Variants in WAPL observed in about 807,000 individuals in gnomAD.
The protein encoded by WAPL is WAPL cohesin release factor, also known as wings apart-like protein homolog.
In WAPL, 5 loss-of-function variants were observed where a neutral mutation model predicts 121.0. The observed-to-expected ratio is 0.04, with a 90% CI of 0.02 to 0.09. The LOEUF (loss-of-function observed/expected upper bound fraction) is 0.09. WAPL is among the 10% of genes least tolerant of loss of function. The probability of loss-of-function intolerance (pLI) is 1.00; values close to 1 mark genes in which losing one functional copy is unlikely to be tolerated. For missense variants in WAPL, 999 were observed against 1,410.8 expected (o/e 0.71, Z 4.68); for synonymous variants, 480 against 481.5 (o/e 1.00, Z 0.04).
intron 15 of WAPL, among the ~76,000 whole-genome samples, chr10:86,447,508 G>A (rs1404587080): frequency 6.6e-6 from 1 of 152,058 alleles, no homozygotes; most frequent in Non-Finnish European, 1.5e-5. Flanking sequence ...TATACAAAAT[G>A]CCATTTAAGG....
intron 9 of WAPL, among the ~76,000 whole-genome samples, chr10:86,465,188 TTTTG>T (rs1252829906): frequency 6.6e-6 from 1 of 152,170 alleles, no homozygotes; most frequent in Non-Finnish European, 1.5e-5. Context: ...TTTTTTTGTC[TTTTG>T]TTTGTTTGGT....
chr10:86,473,479 A>C (rs1036990241), intron 5 of WAPL, among the ~76,000 whole-genome samples: 1 of 152,220 alleles, frequency 6.6e-6, no homozygotes, highest in African/African-American at 2.4e-5. Context: ...ATACAGGAAG[A>C]GATTTGTCTC....
chr10:86,494,240 ATC>A (rs1418555509), intron 4 of WAPL, among the ~76,000 whole-genome samples: 1 of 152,154 alleles, frequency 6.6e-6, no homozygotes, highest in Non-Finnish European at 1.5e-5. Flanking sequence ...TACACTAATA[ATC>A]TCTGTGACAA....
intron 9 of WAPL, among the ~76,000 whole-genome samples, chr10:86,463,124 T>G (rs1413297642): frequency 6.6e-6 from 1 of 152,216 alleles, no homozygotes; most frequent in Admixed American, 6.5e-5. Context: ...GCCAAATCAC[T>G]AATCAGAAAA....
intron 3 of WAPL, among the ~76,000 whole-genome samples, chr10:86,498,884 T>C (rs1266759167): frequency 6.6e-6 from 1 of 152,222 alleles, no homozygotes. Context: ...AGGGAATGCA[T>C]ACTTACCTGG....
At chr10:86,464,641 T>G (rs945733933) in intron 9 of WAPL, among the ~76,000 whole-genome samples, 1 of 152,144 alleles carries the variant, frequency 6.6e-6, no homozygotes, top group African/African-American at 2.4e-5. Context: ...CGAGACCAGT[T>G]TAGCCAACAT....
chr10:86,465,821 G>C lies in WAPL; in HGVS notation c.2370+1458C>G, dbSNP rs375620873. ...CCTCTCAGCTTCCTTGGACTCTGGA[G>C]GTACATTTGCATGGACTTGTCCATT... On this transcript the variant is annotated intron_variant, in intron 9 of 18. Coordinates refer to ENST00000298767, the MANE Select transcript of WAPL (RefSeq NM_015045.5). Among the ~76,000 whole-genome samples the C allele has an allele frequency of 2.6e-5, 4 of 152,066 alleles. No individual in the cohort carries two copies. In the East Asian group the frequency reaches 5.8e-4, roughly 22 times the overall value.
chr10:86,477,550 C>T (rs1398079707), intron 4 of WAPL, among the ~76,000 whole-genome samples: 1 of 152,118 alleles, frequency 6.6e-6, no homozygotes, highest in African/African-American at 2.4e-5. Context: ...TGCCTGTAAT[C>T]CCAGCATTTT....
At chr10:86,467,918 T>G (rs1225060931) in intron 8 of WAPL, among the ~76,000 whole-genome samples, 2 of 152,048 alleles carry the variant, frequency 1.3e-5, no homozygotes, top group Admixed American at 1.3e-4. Context: ...GACTTCGTGA[T>G]CCGCCCACCT....
At chr10:86,467,859 T>A (rs1841436163) in intron 8 of WAPL, among the ~76,000 whole-genome samples, 1 of 151,816 alleles carries the variant, frequency 6.6e-6, no homozygotes, top group Non-Finnish European at 1.5e-5. Context: ...TGTATTTTTT[T>A]AGTAGAGACG....
chr10:86,519,132 A>AC (rs1370904196), intron 1 of WAPL, among the ~76,000 whole-genome samples: 3 of 122,764 alleles, frequency 2.4e-5, no homozygotes, highest in Non-Finnish European at 5.6e-5. Flanking sequence ...ACTTCACAGG[A>AC]CAAAAAAAAA....
intron 16 of WAPL, chr10:86,443,718 A>G (rs1564560439): frequency 5.2e-6 from 1 of 191,162 alleles, no homozygotes; most frequent in African/African-American, 2.4e-5. Flanking sequence ...AACAAAAACA[A>G]CCCAATTAAA....
chr10:86,437,638 A>T, intron 18 of WAPL, 30 bp from the exon 19 acceptor site: 1 of 1,607,552 alleles, frequency 6.2e-7, no homozygotes, highest in South Asian at 1.1e-5. Flanking sequence ...GAAAGGAAGT[A>T]ACAGTTAATA....
At chr10:86,481,713 A>G (rs1841793845) in intron 4 of WAPL, among the ~76,000 whole-genome samples, 1 of 152,146 alleles carries the variant, frequency 6.6e-6, no homozygotes, top group African/African-American at 2.4e-5. Context: ...AAAAAGAAAC[A>G]TAGAAAAGAA....
chr10:86,500,895 A>C, intron 2 of WAPL, 152 bp from the exon 3 acceptor site: 1 of 726,990 alleles, frequency 1.4e-6, no homozygotes, highest in South Asian at 2.1e-5. Context: ...TACATATCAG[A>C]CATTTCCTCT....
At chr10:86,452,169 A>G in intron 14 of WAPL, 38 bp from the exon 15 acceptor site, 2 of 1,592,920 alleles carry the variant, frequency 1.3e-6, no homozygotes, top group Non-Finnish European at 8.6e-7. Flanking sequence ...ATCAGAGATG[A>G]GTACTTAAAA....
chr10:86,495,044 T>G (rs1272340757), intron 4 of WAPL, among the ~76,000 whole-genome samples: 1 of 152,114 alleles, frequency 6.6e-6, no homozygotes, highest in African/African-American at 2.4e-5. Flanking sequence ...GCCATAAAAA[T>G]TGAACACACT....
At position 86,500,502 on chromosome 10, in the gene WAPL, T is replaced by G; in HGVS notation, c.741A>C (p.Arg247Ser). Residue 247 changes from arginine (R) to serine (S), a missense_variant, in exon 3 of 19, where the codon AGA (arginine) becomes AGC (serine). Arg to Ser is a moderately radical substitution (Grantham distance 110, BLOSUM62 -1). Around this residue, in one of 7 missense-constraint regions of WAPL, gnomAD observed 531 missense variants for 563.1 expected, o/e 0.94. Coordinates refer to ENST00000298767, the MANE Select transcript of WAPL (RefSeq NM_015045.5). ...CCAAACTTAAAATACAGTCTTCTGA[T>G]CTGATATCTTCAAAATCATTATCCC... ...FEWDNDFEDI[R>S]SEDCILSLDS... 6.2e-7 allele frequency: 1 copy of G among 1,614,204 alleles called. No individual in the cohort carries two copies. Among genetic ancestry groups the G allele is most frequent in the Middle Eastern group, 1.6e-4 (1 of 6,062 alleles).
In WAPL at chr10:86,435,483, GTTACT is replaced by G. The variant is rs946775947; in HGVS notation, c.*2055_*2059del. 6.6e-6 allele frequency: 1 copy of G among 152,522 alleles called. No homozygotes were observed. The allele number at this position is 152,522 out of a possible 1,614,324, so 9.4% of individuals were successfully genotyped here. A position where few individuals can be genotyped will look rare whatever the true frequency, so the allele number is the denominator to read the frequency against. ...CAGAAATATTTACAATGGAAAAAAG[GTTACT>G]TTAAAACTTTTAGTTAAGTCAGCCT... is the stretch of plus-strand genomic sequence containing the variant. On this transcript the variant is annotated 3_prime_UTR_variant, in exon 19 of 19. Transcript: ENST00000298767.
Sources: gnomAD v4.1 joint callset for allele counts (sites outside exome capture counted in the v4.1 genomes callset) on GRCh38, gnomAD v4.1.1 for gene constraint, gnomAD v4.1.1 regional missense constraint, MANE v1.5 for transcripts, NCBI Gene and HGNC (gene_info 2026-07-23, HGNC 2026-07-21) for gene names.